The following AGBL1 variants were observed in gnomAD, a reference collection of about 807,000 sequenced individuals.
The protein encoded by AGBL1 is cytosolic carboxypeptidase 4.
AGBL1 carries 130 observed loss-of-function variants against 118.9 expected under a neutral mutation model. The observed-to-expected ratio is 1.09, with a 90% CI of 0.95 to 1.26. The LOEUF (loss-of-function observed/expected upper bound fraction) is 1.26, where lower values mean the gene tolerates loss of function less well. Ranked by LOEUF, AGBL1 falls within the 50% of genes most tolerant of loss-of-function variation. The probability of loss-of-function intolerance (pLI) is 0.00; values close to 1 mark genes in which losing one functional copy is unlikely to be tolerated. For synonymous variants in AGBL1, 555 were observed against 478.9 expected (o/e 1.16, Z -2.08); for missense variants, 1,584 against 1,298.1 (o/e 1.22, Z -3.38).
chr15:86,160,940 G>A, intron 5 of AGBL1, among the ~76,000 whole-genome samples: 1 of 152,140 alleles, frequency 6.6e-6, no homozygotes, highest in African/African-American at 2.4e-5. Context: ...CAAACTTGTG[G>A]GGTAGCGGGG....
At chr15:86,754,764 A>T (rs915253618) in intron 22 of AGBL1, among the ~76,000 whole-genome samples, 2 of 151,872 alleles carry the variant, frequency 1.3e-5, no homozygotes, top group Admixed American at 1.3e-4. Context: ...CTTTATTCCC[A>T]TCCTTTTATC....
At chr15:86,483,452 C>A (rs189667989) in intron 18 of AGBL1, among the ~76,000 whole-genome samples, 19 of 151,996 alleles carry the variant, frequency 1.3e-4, no homozygotes, top group Non-Finnish European at 2.6e-4. Flanking sequence ...TGGCAGTTAG[C>A]GAGGGAGGAG....
chr15:86,909,371 A>T lies in AGBL1; in HGVS notation c.*2077A>T, dbSNP rs910806336. 5 of 152,256 alleles carry T rather than the reference A, an allele frequency of 3.3e-5. No individual in the cohort carries two copies. Among genetic ancestry groups the T allele is most frequent in the Non-Finnish European group, 5.9e-5 (4 of 68,056 alleles). 9.4% of individuals were successfully genotyped at this position (152,256 alleles called of 1,614,324 possible). ...TTTGGATATATCAGAATAATCTCAGATGACACTCATAGCACACACCTCTTG... is the reference window on the plus strand; with the variant it reads ...TTTGGATATATCAGAATAATCTCAGTTGACACTCATAGCACACACCTCTTG... On this transcript the variant is annotated 3_prime_UTR_variant, in exon 23 of 23. Transcript: ENST00000614907.
At chr15:86,882,175 G>A (rs142120176) in intron 22 of AGBL1, among the ~76,000 whole-genome samples, 1 of 152,206 alleles carries the variant, frequency 6.6e-6, no homozygotes, top group East Asian at 1.9e-4. Flanking sequence ...GTCTGTGTTG[G>A]CCTCTCATGA....
chr15:86,297,085 AAGAG>A (rs1159358888), intron 17 of AGBL1: 4 of 152,176 alleles, frequency 2.6e-5, no homozygotes, highest in Non-Finnish European at 1.5e-5. Context: ...CTGTTAAAAA[AAGAG>A]AGAGAAAGAG....
intron 22 of AGBL1, among the ~76,000 whole-genome samples, chr15:86,769,109 G>A (rs958440521): frequency 1.3e-5 from 2 of 149,438 alleles, no homozygotes; most frequent in African/African-American, 2.5e-5. Flanking sequence ...ACCTGTACAT[G>A]CAATGGGATA....
chr15:86,703,802 C>T (rs1314003138), intron 22 of AGBL1, among the ~76,000 whole-genome samples: 1 of 152,094 alleles, frequency 6.6e-6, no homozygotes, highest in Non-Finnish European at 1.5e-5. Context: ...GATTGTGAGG[C>T]CTCCCTGCCC....
At chr15:86,648,699 C>G (rs983284405) in intron 21 of AGBL1, among the ~76,000 whole-genome samples, 5 of 152,076 alleles carry the variant, frequency 3.3e-5, no homozygotes, top group African/African-American at 1.2e-4. Flanking sequence ...TAGAGACTAA[C>G]AGAAGACAAT....
Position 86,824,806 on chromosome 15 carries a change from C to T in AGBL1, c.3159-82281C>T, listed in dbSNP as rs140678205. On this transcript the variant is annotated intron_variant, in intron 22 of 22. Coordinates refer to ENST00000614907, the MANE Select transcript of AGBL1 (RefSeq NM_001386094.1). ...GGTATGGTGCCTTACACCTAAAATC[C>T]CAGCACTTTGGGAGGCCGAGGCAGG... is the stretch of plus-strand genomic sequence containing the variant. 7.9e-3 allele frequency among the ~76,000 whole-genome samples: 1,196 copies of T among 152,042 alleles called. 8 individuals carry two copies. Among genetic ancestry groups the T allele is most frequent in the Middle Eastern group, 0.02 (6 of 294 alleles).
At chr15:86,779,552 A>T (rs915488036) in intron 22 of AGBL1, among the ~76,000 whole-genome samples, 3 of 152,142 alleles carry the variant, frequency 2.0e-5, no homozygotes, top group African/African-American at 7.2e-5. Context: ...TATGCATCTA[A>T]TTATTTGGGT....
chr15:86,942,763 C>G (rs1162659749), intron 23 of AGBL1, among the ~76,000 whole-genome samples: 2 of 152,138 alleles, frequency 1.3e-5, no homozygotes, highest in East Asian at 3.9e-4. Flanking sequence ...CTGCAAGGAC[C>G]CAATTTTCTG....
intron 18 of AGBL1, among the ~76,000 whole-genome samples, chr15:86,410,844 T>TG: frequency 1.2e-5 from 1 of 85,764 alleles, no homozygotes; most frequent in Non-Finnish European, 2.2e-5. Flanking sequence ...ATATATATAA[T>TG]ATACTATTTT....
intron 20 of AGBL1, among the ~76,000 whole-genome samples, chr15:86,550,381 A>G (rs1377065920): frequency 2.0e-5 from 3 of 152,160 alleles, no homozygotes; most frequent in Admixed American, 1.3e-4. Flanking sequence ...TATTGTCTAT[A>G]AATGACATGC....
At chr15:86,307,657 T>C (rs182283175) in intron 17 of AGBL1, among the ~76,000 whole-genome samples, 3 of 152,136 alleles carry the variant, frequency 2.0e-5, no homozygotes, top group East Asian at 1.9e-4. Flanking sequence ...GTCCCAACCA[T>C]TTGAGAGGCT....
chr15:86,926,961 T>A (rs72754057), intron 23 of AGBL1, among the ~76,000 whole-genome samples: 5,966 of 151,882 alleles, frequency 0.039, 156 homozygotes, highest in Middle Eastern at 0.072. Flanking sequence ...CAACATAGTG[T>A]AACCCGTCTC....
chr15:86,926,913 G>A (rs1006943053), intron 23 of AGBL1, among the ~76,000 whole-genome samples: 10 of 152,126 alleles, frequency 6.6e-5, no homozygotes, highest in African/African-American at 2.2e-4. Flanking sequence ...GGCCAAGGCG[G>A]GTGGATCCCA....
intron 24 of AGBL1, among the ~76,000 whole-genome samples, chr15:87,000,835 C>A (rs1037940510): frequency 4.1e-5 from 6 of 147,446 alleles, no homozygotes; most frequent in Admixed American, 6.9e-5. Flanking sequence ...GCCACTTTCA[C>A]GATATTGATT....
At chr15:86,718,468 C>T (rs2086670185) in intron 22 of AGBL1, among the ~76,000 whole-genome samples, 1 of 151,928 alleles carries the variant, frequency 6.6e-6, no homozygotes, top group Non-Finnish European at 1.5e-5. Context: ...TACACCAACA[C>T]GGCACAGGTA....
chr15:86,284,552 G>A (rs532166770), intron 16 of AGBL1, among the ~76,000 whole-genome samples: 1 of 152,282 alleles, frequency 6.6e-6, no homozygotes, highest in South Asian at 2.1e-4. Flanking sequence ...CTTCTCTTGT[G>A]ATAAGAAGTC....
Sources: allele counts gnomAD v4.1 joint callset (sites outside exome capture counted in the v4.1 genomes callset), GRCh38; gene constraint gnomAD v4.1.1; transcripts MANE v1.5; gene names NCBI Gene and HGNC (gene_info 2026-07-23, HGNC 2026-07-21).